Variants in GAS6 observed in about 807,000 individuals in gnomAD.
The protein encoded by GAS6 is growth arrest specific 6.
A neutral mutation model predicts 75.8 loss-of-function variants in GAS6; 41 were observed. The observed-to-expected ratio is 0.54, with a 90% CI of 0.42 to 0.70. The LOEUF (loss-of-function observed/expected upper bound fraction) is 0.70, where lower values mean the gene tolerates loss of function less well. Ranked by LOEUF, GAS6 falls within the 30% of genes least tolerant of loss-of-function variation. GAS6 has a pLI of 0.00. For missense variants in GAS6, 854 were observed against 940.2 expected (o/e 0.91, Z 1.20); for synonymous variants, 432 against 412.6 (o/e 1.05, Z -0.57).
intron 2 of GAS6, among the ~76,000 whole-genome samples, chr13:113,858,823 A>G (rs1202252644): frequency 2.7e-5 from 4 of 147,586 alleles, no homozygotes; most frequent in Non-Finnish European, 4.4e-5. Context: ...GAATGTGTGC[A>G]TGTATGTGTA....
chr13:113,821,370 T>C (rs1450188541), intron 14 of GAS6: 5 of 257,548 alleles, frequency 1.9e-5, no homozygotes, highest in Admixed American at 9.6e-5. Flanking sequence ...TAAAACTAAG[T>C]GGAGTCTGTG....
chr13:113,827,097 T>G lies in GAS6; in HGVS notation c.1376A>C (p.Gln459Pro). The change falls in exon 12 of 15, where the codon CAG (glutamine) becomes CCG (proline). Residue 459 changes from glutamine (Q) to proline (P), a missense_variant. Physicochemically the swap from Gln to Pro is moderately conservative, Grantham distance 76 (BLOSUM62 -1). Transcript: ENST00000327773. ...CCTCGTGTTCACTTTCACCGTTTCC[T>G]GGATGGTGGTGTCTTCTCCGTTCAG... ...NWLNGEDTTIQETVKVNTRMQ... is the reference protein window; with the variant it reads ...NWLNGEDTTIPETVKVNTRMQ... The G allele has an allele frequency of 1.9e-6, 3 of 1,613,484 alleles. No individual in the cohort carries two copies. The highest frequency in any genetic ancestry group is 2.5e-6 in the Non-Finnish European group (3 of 1,179,926).
In GAS6 at chr13:113,821,033, G is replaced by A. The variant is rs1459447883; in HGVS notation, c.1883-15C>T. The A allele has an allele frequency of 1.2e-6, 2 of 1,611,586 alleles. No individual in the cohort carries two copies. Among genetic ancestry groups the A allele is most frequent in the African/African-American group, 2.7e-5 (2 of 74,902 alleles). On this transcript the variant is annotated splice_polypyrimidine_tract_variant and intron_variant, in intron 14 of 14. Coordinates refer to ENST00000327773, the MANE Select transcript of GAS6 (RefSeq NM_000820.4). ...CACCGGCACATCTGGGCCGCAGGGAGAGAACAACATATCTTAGCTCACCAC... is the reference window on the plus strand; with the variant it reads ...CACCGGCACATCTGGGCCGCAGGGAAAGAACAACATATCTTAGCTCACCAC...
rs1023990013 is a variant in GAS6, at chr13:113,823,492, G to A, written c.1536C>T (p.His512=). The change falls in exon 13 of 15, where the codon CAC becomes CAT. Residue 512 remains histidine, a synonymous_variant. Transcript: ENST00000327773. ...ESTWEVEVVA[H]IRPAADTGVL... ...CGCCTGTGTCTGCGGCTGGGCGGAT[G>A]TGAGCCACGACTTCTACTTCCCAGG... 2 of 1,612,782 alleles carry A rather than the reference G, an allele frequency of 1.2e-6. No homozygotes were observed. The highest frequency in any genetic ancestry group is 1.1e-5 in the South Asian group (1 of 91,066).
At chr13:113,839,527 T>C (rs1170901462) in intron 5 of GAS6, 3 of 635,000 alleles carry the variant, frequency 4.7e-6, no homozygotes, top group Non-Finnish European at 5.2e-6. Context: ...TTTCCTTTCC[T>C]TCCAGCCCTG....
intron 2 of GAS6, among the ~76,000 whole-genome samples, chr13:113,858,296 G>A (rs955621838): frequency 2.6e-5 from 4 of 152,074 alleles, no homozygotes; most frequent in African/African-American, 4.8e-5. Context: ...GTGTGTACAT[G>A]TGTGCATATT....
chr13:113,823,355 C>G lies in GAS6; in HGVS notation c.1653+20G>C. On this transcript the variant is annotated intron_variant, in intron 13 of 14. Transcript: ENST00000327773. ...CGTGGGTCGAGCCGGTCAGGACGCC[C>G]TGGGTGGCGGAGGCCCTACCTGCTT... 1 of 1,597,942 alleles carries G rather than the reference C, an allele frequency of 6.3e-7. No individual in the cohort carries two copies. Among genetic ancestry groups the G allele is most frequent in the South Asian group, 1.1e-5 (1 of 89,632 alleles).
At chr13:113,846,084 C>T (rs1448410798) in intron 4 of GAS6, among the ~76,000 whole-genome samples, 3 of 152,234 alleles carry the variant, frequency 2.0e-5, no homozygotes, top group East Asian at 1.9e-4. Flanking sequence ...CTGGAAATGC[C>T]AGCGTGAAGG....
In GAS6 at chr13:113,834,595, C is replaced by T. The variant is rs1566361230; in HGVS notation, c.790G>A (p.Gly264Arg). ...TGGGACAGCTTGAGGCCCCCACGCC[C>T]GTCACAGTGGCAGGTGTAGCTCCCT... ...SPGSYTCHCD[G>R]RGGLKLSQDM... Residue 264 changes from glycine to arginine, a missense_variant, in exon 8 of 15, where the codon GGG becomes AGG. Physicochemically the swap from Gly to Arg is moderately radical, Grantham distance 125. Transcript: ENST00000327773. 8 of 1,608,314 alleles carry T rather than the reference C, an allele frequency of 5.0e-6. No homozygotes were observed. Among genetic ancestry groups the T allele is most frequent in the South Asian group, 2.2e-5 (2 of 90,556 alleles).
In GAS6 at chr13:113,845,952, T is replaced by G. The variant is rs1363988472; in HGVS notation, c.343+575A>C. On this transcript the variant is annotated intron_variant, in intron 4 of 14. Coordinates refer to ENST00000327773, the MANE Select transcript of GAS6 (RefSeq NM_000820.4). This position sits in a 1 kb window ranked among gnomAD's most constrained non-coding sequence, Gnocchi z 4.3. ...CCTTGGGAACGCATCCCGCAGACAC[T>G]CAGACGTGTGGGAGGCAACAGGTGC... 6.6e-6 allele frequency among the ~76,000 whole-genome samples: 1 copy of G among 152,334 alleles called. No individual in the cohort carries two copies. Among genetic ancestry groups the G allele is most frequent in the Admixed American group, 6.5e-5 (1 of 15,298 alleles).
At position 113,823,363 on chromosome 13, in the gene GAS6, C is replaced by T. The variant is rs760503213; in HGVS notation, c.1653+12G>A. 19 of 1,601,156 alleles carry T rather than the reference C, an allele frequency of 1.2e-5. No homozygotes were observed. In the African/African-American group the frequency reaches 1.7e-4, roughly 15 times the overall value. ...GAGCCGGTCAGGACGCCCTGGGTGG[C>T]GGAGGCCCTACCTGCTTCTTGAGTT... On this transcript the variant is annotated intron_variant, in intron 13 of 14. Transcript: ENST00000327773.
chr13:113,858,109 C>T (rs1014315869), intron 2 of GAS6, among the ~76,000 whole-genome samples: 6 of 152,224 alleles, frequency 3.9e-5, no homozygotes, highest in African/African-American at 9.6e-5. Context: ...CACAGAGCCC[C>T]GTGACCTTGT....
rs530073366 is a variant in GAS6, at chr13:113,853,611, A to G, written c.256-5561T>C. Among the ~76,000 whole-genome samples, 82 of 152,348 alleles carry G rather than the reference A, an allele frequency of 5.4e-4. 1 individual carries two copies. The highest frequency in any genetic ancestry group is 1.9e-3 in the African/African-American group (79 of 41,578). On this transcript the variant is annotated intron_variant, in intron 2 of 14. Transcript: ENST00000327773. The stretch of plus-strand genomic sequence containing the variant: ...CTTGACAAGTGGGTGGAGACTGCTG[A>G]GCACAGGGACTCTGTTTATCAACAC...
Position 113,823,364 on chromosome 13 carries a change from G to A in GAS6, c.1653+11C>T. ...AGCCGGTCAGGACGCCCTGGGTGGCGGAGGCCCTACCTGCTTCTTGAGTTT... is the reference window on the plus strand; with the variant it reads ...AGCCGGTCAGGACGCCCTGGGTGGCAGAGGCCCTACCTGCTTCTTGAGTTT... On this transcript the variant is annotated intron_variant, in intron 13 of 14. Coordinates refer to ENST00000327773, the MANE Select transcript of GAS6 (RefSeq NM_000820.4). 4 of 1,602,168 alleles carry A rather than the reference G, an allele frequency of 2.5e-6. No homozygotes were observed. Among genetic ancestry groups the A allele is most frequent in the Non-Finnish European group, 2.6e-6 (3 of 1,172,870 alleles).
At chr13:113,841,462 G>GTATGCCCCACAGTTTCCTCCA (rs2051775078) in intron 4 of GAS6, 1 of 98,080 alleles carries the variant, frequency 1.0e-5, no homozygotes, top group Non-Finnish European at 2.3e-5. Context: ...CGTTTCCTCC[G>GTATGCCCCACAGTTTCCTCCA]TATGCCCCAG....
At chr13:113,821,154 T>A in intron 14 of GAS6, 136 bp from the exon 15 acceptor site, 1 of 892,960 alleles carries the variant, frequency 1.1e-6, no homozygotes, top group Non-Finnish European at 1.7e-6. Flanking sequence ...CTTCTCTAAC[T>A]TCTCGGTCCC....
chr13:113,834,983 C>T (rs1217098767), intron 7 of GAS6, among the ~76,000 whole-genome samples: 2 of 152,232 alleles, frequency 1.3e-5, no homozygotes, highest in African/African-American at 2.4e-5. Flanking sequence ...AGCACAGGGT[C>T]TGGGCTGTGC....
chr13:113,861,288 C>T (rs2051969387), intron 2 of GAS6, among the ~76,000 whole-genome samples: 1 of 152,164 alleles, frequency 6.6e-6, no homozygotes, highest in Non-Finnish European at 1.5e-5. Context: ...CAGGCACTTC[C>T]CACATCCTAA....
rs2051443111 is a variant in GAS6, at chr13:113,820,759, GAGGAA to G, written c.*100_*104del. ...TATGTTACAGGCCGGGATGGTCACAGAGGAAAGCCCAGCTCTCAGCATGGCCCCAC... is the reference window on the plus strand; with the variant it reads ...TATGTTACAGGCCGGGATGGTCACAGAGCCCAGCTCTCAGCATGGCCCCAC... On this transcript the variant is annotated 3_prime_UTR_variant, in exon 15 of 15. Coordinates refer to ENST00000327773, the MANE Select transcript of GAS6 (RefSeq NM_000820.4). The G allele has an allele frequency of 2.3e-6, 3 of 1,289,794 alleles. No individual in the cohort carries two copies. In the African/African-American group the frequency reaches 4.5e-5, roughly 19 times the overall value. The allele number at this position is 1,289,794 out of a possible 1,614,324, so 79.9% of individuals were successfully genotyped here. A position where few individuals can be genotyped will look rare whatever the true frequency, so the allele number is the denominator to read the frequency against.
Sources: gnomAD v4.1 joint callset for allele counts (sites outside exome capture counted in the v4.1 genomes callset) on GRCh38, gnomAD v4.1.1 for gene constraint, Gnocchi (gnomAD v3.1) non-coding constraint, MANE v1.5 for transcripts, NCBI Gene and HGNC (gene_info 2026-07-23, HGNC 2026-07-21) for gene names.